OVOL2: variants seen among roughly 807,000 people sequenced by gnomAD.
The protein encoded by OVOL2 is ovo like zinc finger 2.
Under a neutral mutation model 18.1 loss-of-function variants are expected in OVOL2, and 13 were observed. The ratio of observed to expected loss-of-function variants is 0.72; its 90% CI spans 0.47 to 1.14. The LOEUF is 1.14. OVOL2 is among the 50% of genes most tolerant of loss of function. The pLI, the probability that OVOL2 is intolerant of heterozygous loss-of-function variation, is 0.00. For synonymous variants in OVOL2, 166 were observed against 162.7 expected, an observed-to-expected ratio of 1.02 and a Z score of -0.16; for missense variants, 335 against 383.0, an observed-to-expected ratio of 0.87 and a Z score of 1.05.
At chr20:18,040,591 G>A (rs1017005534) in intron 3 of OVOL2, among the ~76,000 whole-genome samples, 4 of 152,138 alleles carry the variant, frequency 2.6e-5, no homozygotes, top group Non-Finnish European at 2.9e-5. Context: ...GAGCTCAGGC[G>A]GGAAAGCATG....
chr20:18,049,212 A>G (rs538222632), intron 2 of OVOL2, among the ~76,000 whole-genome samples: 2 of 152,344 alleles, frequency 1.3e-5, no homozygotes, highest in East Asian at 3.9e-4. Context: ...ACTCAGCGGC[A>G]GAACAAACCA....
chr20:18,028,674 T>C (rs1230649522), intron 3 of OVOL2, among the ~76,000 whole-genome samples: 2 of 151,952 alleles, frequency 1.3e-5, no homozygotes, highest in African/African-American at 4.8e-5. Flanking sequence ...ACATCTGTAA[T>C]CTCAGCTACC....
At chr20:18,031,188 G>A (rs141985765) in intron 3 of OVOL2, among the ~76,000 whole-genome samples, 174 of 152,268 alleles carry the variant, frequency 1.1e-3, no homozygotes, top group African/African-American at 3.8e-3. Context: ...GCCAGGCTGC[G>A]GATCTGCTGC....
In OVOL2 at chr20:18,029,936, C is replaced by T. The variant is rs552294446; in HGVS notation, c.512-4984G>A. Among the ~76,000 whole-genome samples the T allele has an allele frequency of 2.6e-5, 4 of 152,254 alleles. No individual in the cohort carries two copies. The East Asian group carries it at 7.7e-4, about 29-fold the overall frequency. ...TCAAGGCTACAGTGAGCCATGATCG[C>T]ACCACTGCACTCCAGCCTGGGCGAG... is the stretch of plus-strand genomic sequence containing the variant. On this transcript the variant is annotated intron_variant, in intron 3 of 3. Coordinates refer to ENST00000278780, the MANE Select transcript of OVOL2 (RefSeq NM_021220.4).
Position 18,056,819 on chromosome 20 carries a change from G to A in OVOL2, c.159C>T (p.Ser53=). The change falls in exon 2 of 4, where the codon AGC becomes AGT. Residue 53 remains serine (S), a synonymous_variant. Transcript: ENST00000278780. The surrounding 1 kb of genome is among the most constrained non-coding windows in gnomAD (Gnocchi z 4.2). ...PPEDCRSDGG[S]SSGSGSSSAG... is the part of the protein sequence containing the mutation. The stretch of plus-strand genomic sequence containing the variant: ...CGCTGCTGCTGCCGCTGCCGCTGCT[G>A]CTGCCGCCGTCGCTGCGGCAGTCCT... 1 of 1,492,522 alleles carries A rather than the reference G, an allele frequency of 6.7e-7. No homozygotes were observed. Among genetic ancestry groups the A allele is most frequent in the Non-Finnish European group, 8.9e-7 (1 of 1,128,554 alleles). 92.5% of individuals were successfully genotyped at this position (1,492,522 alleles called of 1,614,324 possible). A position where few individuals can be genotyped will look rare whatever the true frequency, so the allele number is the denominator to read the frequency against.
Position 18,026,382 on chromosome 20 carries a change from ATTT to A in OVOL2, c.512-1433_512-1431del, listed in dbSNP as rs11337430. Reference sequence around the variant, plus strand: ...GGTCTGGGGTAGGAATCAGGAATCCATTTTTTTTTTTTTTTTTGAGACGGAGTC... The same window carrying A: ...GGTCTGGGGTAGGAATCAGGAATCCATTTTTTTTTTTTTTGAGACGGAGTC... On this transcript the variant is annotated intron_variant, in intron 3 of 3. Transcript: ENST00000278780. Among the ~76,000 whole-genome samples, 120 of 138,882 alleles carry A rather than the reference ATTT, an allele frequency of 8.6e-4. 1 individual carries two copies. In the East Asian group the frequency reaches 0.012, roughly 14 times the overall value. The allele number at this position is 138,882 out of a possible 152,430, so 91.1% of individuals were successfully genotyped here.
intron 3 of OVOL2, among the ~76,000 whole-genome samples, chr20:18,031,831 G>GT (rs962189312): frequency 6.8e-4 from 103 of 152,284 alleles, no homozygotes; most frequent in African/African-American, 2.3e-3. Flanking sequence ...ATCAAAAAGG[G>GT]TTTGTTGTTT....
chr20:18,050,207 T>G (rs187908234), intron 2 of OVOL2, among the ~76,000 whole-genome samples: 1 of 152,190 alleles, frequency 6.6e-6, no homozygotes, highest in Non-Finnish European at 1.5e-5. Flanking sequence ...CCTGACTCCC[T>G]TGCCATGAGG....
intron 2 of OVOL2, 37 bp from the exon 3 acceptor site, chr20:18,041,760 G>A: frequency 6.3e-7 from 1 of 1,586,504 alleles, no homozygotes; most frequent in Non-Finnish European, 8.6e-7. Flanking sequence ...TCCCCGGGCA[G>A]GCAGGCACAT....
Position 18,057,650 on chromosome 20 carries a change from C to G in OVOL2, c.-16G>C. The G allele has an allele frequency of 2.6e-6, 4 of 1,557,426 alleles. No individual in the cohort carries two copies. Among genetic ancestry groups the G allele is most frequent in the Non-Finnish European group, 3.5e-6 (4 of 1,150,726 alleles). On this transcript the variant is annotated 5_prime_UTR_variant, in exon 1 of 4. Coordinates refer to ENST00000278780, the MANE Select transcript of OVOL2 (RefSeq NM_021220.4). The surrounding 1 kb of genome is among the most constrained non-coding windows in gnomAD (Gnocchi z 6.3). ...CTTTGGGCATGGTGGGGTCCCCTCT[C>G]CCGACTGCGGCCCCCTCCTCCCGGC...
rs960399255 is a variant in OVOL2 at position 18,057,216 on chromosome 20, AC to A, written c.100+318del. Among the ~76,000 whole-genome samples, 1 of 151,440 alleles carries A rather than the reference AC, an allele frequency of 6.6e-6. No homozygotes were observed. Among genetic ancestry groups the A allele is most frequent in the African/African-American group, 2.4e-5 (1 of 41,136 alleles). ...CAGAAGGGTTGGCGAGCCTTTGTGC[AC>A]CCCCATGAGGACGTGAGATTGGGGG... On this transcript the variant is annotated intron_variant, in intron 1 of 3. Transcript: ENST00000278780. This position sits in a 1 kb window ranked among gnomAD's most constrained non-coding sequence, Gnocchi z 6.3.
chr20:18,054,537 G>C (rs754010712), intron 2 of OVOL2, among the ~76,000 whole-genome samples: 1 of 152,168 alleles, frequency 6.6e-6, no homozygotes, highest in Non-Finnish European at 1.5e-5. Context: ...GAGGTCGGGA[G>C]TTCAAGACCA....
At chr20:18,051,984 C>T (rs2036775508) in intron 2 of OVOL2, among the ~76,000 whole-genome samples, 1 of 152,154 alleles carries the variant, frequency 6.6e-6, no homozygotes. Context: ...AGGTGATCCG[C>T]CCGCCTCGGC....
chr20:18,038,618 G>A (rs1419707846), intron 3 of OVOL2, among the ~76,000 whole-genome samples: 1 of 152,216 alleles, frequency 6.6e-6, no homozygotes, highest in Non-Finnish European at 1.5e-5. Context: ...TCCAGCTGAA[G>A]GTACCAACAG....
At position 18,056,865 on chromosome 20, in the gene OVOL2, C is replaced by A; in HGVS notation, c.113G>T (p.Arg38Leu). 6.7e-7 allele frequency: 1 copy of A among 1,483,578 alleles called. No homozygotes were observed. The allele number at this position is 1,483,578 out of a possible 1,614,324, so 91.9% of individuals were successfully genotyped here. A position where few individuals can be genotyped will look rare whatever the true frequency, so the allele number is the denominator to read the frequency against. ...GTCCTCGGGGGGGTCGTGGAGCAGG[C>A]GGCCTAGGCCCACTGTGGAGGGAGG... is the stretch of plus-strand genomic sequence containing the variant. ...ADTYIPVGLG[R>L]LLHDPPEDCR... The change falls in exon 2 of 4, where the codon CGC becomes CTC. Residue 38 changes from arginine (R) to leucine (L), a missense_variant. Arg to Leu is a moderately radical substitution (Grantham distance 102). Coordinates refer to ENST00000278780, the MANE Select transcript of OVOL2 (RefSeq NM_021220.4). This position sits in a 1 kb window ranked among gnomAD's most constrained non-coding sequence, Gnocchi z 4.2.
chr20:18,036,334 C>A (rs2036614621), intron 3 of OVOL2, among the ~76,000 whole-genome samples: 1 of 152,088 alleles, frequency 6.6e-6, no homozygotes, highest in Non-Finnish European at 1.5e-5. Context: ...TTTACACCTT[C>A]TTTTTTTGCA....
chr20:18,052,722 C>A (rs1207975812), intron 2 of OVOL2, among the ~76,000 whole-genome samples: 1 of 152,108 alleles, frequency 6.6e-6, no homozygotes, highest in Non-Finnish European at 1.5e-5. Flanking sequence ...TTTTGAAGAA[C>A]CCATGGGAGA....
intron 2 of OVOL2, among the ~76,000 whole-genome samples, chr20:18,053,248 G>A (rs2036785626): frequency 6.6e-6 from 1 of 152,080 alleles, no homozygotes; most frequent in South Asian, 2.1e-4. Context: ...ACTTCCTCTT[G>A]GGCAGTTTAC....
upstream of OVOL2, chr20:18,059,170 C>T (rs917826341): frequency 6.6e-6 from 1 of 152,330 alleles, no homozygotes; most frequent in Non-Finnish European, 1.5e-5. Context: ...CCTGAATGGC[C>T]CTTGGGGACA....
Sources: allele counts gnomAD v4.1 joint callset (sites outside exome capture counted in the v4.1 genomes callset), GRCh38; gene constraint gnomAD v4.1.1; non-coding constraint Gnocchi (gnomAD v3.1); transcripts MANE v1.5; gene names NCBI Gene and HGNC (gene_info 2026-07-23, HGNC 2026-07-21).